Variants in AGAP1 observed in about 807,000 individuals in gnomAD.
AGAP1 encodes arf-GAP with GTPase, ANK repeat and PH domain-containing protein 1.
AGAP1 carries 29 observed loss-of-function variants against 105.3 expected under a neutral mutation model. That is an observed-to-expected ratio of 0.28 (90% CI 0.21 to 0.38). The LOEUF (loss-of-function observed/expected upper bound fraction) is 0.38. AGAP1 is among the 10% of genes least tolerant of loss of function. The probability of loss-of-function intolerance (pLI) is 1.00; values close to 1 mark genes in which losing one functional copy is unlikely to be tolerated. For missense variants in AGAP1, 998 were observed against 1,165.1 expected (o/e 0.86, Z 2.09); for synonymous variants, 509 against 485.9 (o/e 1.05, Z -0.63).
At chr2:235,779,340 AC>A (rs1358968020) in intron 6 of AGAP1, among the ~76,000 whole-genome samples, 2 of 152,180 alleles carry the variant, frequency 1.3e-5, no homozygotes, top group Admixed American at 6.5e-5. Flanking sequence ...GTTGGGTTTG[AC>A]TTTTTTTGAG....
rs946637783 is a variant in AGAP1, at chr2:235,866,709, G to T, written c.1051-16636G>T. Reference sequence around the variant, plus strand: ...TTATTGTCTCCCAATTCTGGAGGCTGGAAGTCTTGGATCAAGGCCTCAGTG... The same window carrying T: ...TTATTGTCTCCCAATTCTGGAGGCTTGAAGTCTTGGATCAAGGCCTCAGTG... On this transcript the variant is annotated intron_variant, in intron 9 of 17. Transcript: ENST00000304032. The surrounding 1 kb of genome is among the most constrained non-coding windows in gnomAD (Gnocchi z 6.1). 7.2e-5 allele frequency among the ~76,000 whole-genome samples: 11 copies of T among 152,318 alleles called. No homozygotes were observed. In the East Asian group the frequency reaches 2.1e-3, roughly 29 times the overall value.
intron 1 of AGAP1, among the ~76,000 whole-genome samples, chr2:235,646,229 C>T (rs561111975): frequency 7.3e-6 from 1 of 137,646 alleles, no homozygotes; most frequent in South Asian, 2.3e-4. Flanking sequence ...GAGATTGCGC[C>T]ATTGCACTCC....
At chr2:235,687,224 C>G (rs1415154404) in intron 1 of AGAP1, among the ~76,000 whole-genome samples, 2 of 152,210 alleles carry the variant, frequency 1.3e-5, no homozygotes, top group Non-Finnish European at 2.9e-5. Context: ...GATTCCCATT[C>G]TTCAGGCAGT....
Position 235,567,732 on chromosome 2 carries a change from G to A in AGAP1, c.163+72883G>A, listed in dbSNP as rs185429843. Among the ~76,000 whole-genome samples, 766 of 149,224 alleles carry A rather than the reference G, an allele frequency of 5.1e-3. 5 individuals carry two copies. Among genetic ancestry groups the A allele is most frequent in the African/African-American group, 0.018 (726 of 40,304 alleles). On this transcript the variant is annotated intron_variant, in intron 1 of 17. Coordinates refer to ENST00000304032, the MANE Select transcript of AGAP1 (RefSeq NM_001037131.3). The stretch of plus-strand genomic sequence containing the variant: ...TCTGATGGTGGTGGCCAGGAGGAAC[G>A]TGGCACTGGGGGGTGGGCAGGGTGG...
intron 9 of AGAP1, among the ~76,000 whole-genome samples, chr2:235,821,293 G>A (rs34077208): frequency 0.29 from 43,837 of 151,946 alleles, 6,612 homozygotes; most frequent in Admixed American, 0.42. Flanking sequence ...AATAATTGGA[G>A]CATGAAAATA....
rs1282352880 is a variant in AGAP1, at chr2:235,789,177, G to T, written c.674-8582G>T. On this transcript the variant is annotated intron_variant, in intron 6 of 17. Coordinates refer to ENST00000304032, the MANE Select transcript of AGAP1 (RefSeq NM_001037131.3). This position sits in a 1 kb window ranked among gnomAD's most constrained non-coding sequence, Gnocchi z 4.2. ...TAAAAATGTCAAATACACCATATTT[G>T]TTTCAGCACAGGGTTTTTGTTTTTG... 2.0e-5 allele frequency among the ~76,000 whole-genome samples: 3 copies of T among 152,174 alleles called. No individual in the cohort carries two copies. The highest frequency in any genetic ancestry group is 4.4e-5 in the Non-Finnish European group (3 of 68,028).
At chr2:236,074,053 G>C (rs1172235297) in intron 16 of AGAP1, among the ~76,000 whole-genome samples, 1 of 152,246 alleles carries the variant, frequency 6.6e-6, no homozygotes, top group Non-Finnish European at 1.5e-5. Context: ...GTCCCAGCGT[G>C]GTGGGGGGCT....
chr2:235,787,758 G>C lies in AGAP1; in HGVS notation c.674-10001G>C, dbSNP rs1463499652. The stretch of plus-strand genomic sequence containing the variant: ...CATATTAAAGAATGGGCAGCAACTT[G>C]CTTGGTTTCTGTGAGGACTTGCTTA... On this transcript the variant is annotated intron_variant, in intron 6 of 17. Transcript: ENST00000304032. The surrounding 1 kb of genome is among the most constrained non-coding windows in gnomAD (Gnocchi z 4.4). 6.6e-6 allele frequency among the ~76,000 whole-genome samples: 1 copy of C among 152,218 alleles called. No homozygotes were observed. Among genetic ancestry groups the C allele is most frequent in the Non-Finnish European group, 1.5e-5 (1 of 68,038 alleles).
At chr2:236,024,288 T>C (rs946718406) in intron 13 of AGAP1, among the ~76,000 whole-genome samples, 7 of 152,098 alleles carry the variant, frequency 4.6e-5, no homozygotes, top group Non-Finnish European at 1.0e-4. Context: ...CCACCCACCT[T>C]GGCCTCCCAA....
intron 1 of AGAP1, among the ~76,000 whole-genome samples, chr2:235,516,070 G>GCTGCTGCTGCTGCTGCTCCTGCTC (rs58154921): frequency 7.1e-6 from 1 of 141,734 alleles, no homozygotes; most frequent in Non-Finnish European, 1.6e-5. Context: ...TGCTGCTGCT[G>GCTGCTGCTGCTGCTGCTCCTGCTC]CTGCTGCTGC....
At chr2:235,576,841 G>C (rs1021438574) in intron 1 of AGAP1, among the ~76,000 whole-genome samples, 4 of 152,222 alleles carry the variant, frequency 2.6e-5, no homozygotes, top group African/African-American at 9.6e-5. Context: ...GTGAAGGGCA[G>C]AAAGGTGGGG....
chr2:235,631,832 G>T lies in AGAP1; in HGVS notation c.164-77347G>T, dbSNP rs1160760549. Among the ~76,000 whole-genome samples the T allele has an allele frequency of 1.3e-5, 2 of 152,226 alleles. No homozygotes were observed. Among genetic ancestry groups the T allele is most frequent in the Non-Finnish European group, 2.9e-5 (2 of 68,046 alleles). On this transcript the variant is annotated intron_variant, in intron 1 of 17. Transcript: ENST00000304032. This position sits in a 1 kb window ranked among gnomAD's most constrained non-coding sequence, Gnocchi z 5.4. ...GCTGGGTGGCCCTTCCTGCTGTCAG[G>T]TGTGGCCACTCTCGTGAGATGCAAC... is the stretch of plus-strand genomic sequence containing the variant.
chr2:235,542,219 G>GA (rs371380459), intron 1 of AGAP1, among the ~76,000 whole-genome samples: 2 of 151,446 alleles, frequency 1.3e-5, no homozygotes, highest in African/African-American at 4.9e-5. Flanking sequence ...GTGGGTCCCG[G>GA]GGGGGGGCCA....
intron 8 of AGAP1, among the ~76,000 whole-genome samples, chr2:235,806,672 T>A (rs1426045121): frequency 6.6e-6 from 1 of 152,230 alleles, no homozygotes; most frequent in Non-Finnish European, 1.5e-5. Flanking sequence ...CCTTCATTAT[T>A]TTTTGTGGTA....
Position 235,707,511 on chromosome 2 carries a change from GC to G in AGAP1, c.164-1662del, listed in dbSNP as rs374797572. Among the ~76,000 whole-genome samples, 178 of 96,546 alleles carry G rather than the reference GC, an allele frequency of 1.8e-3. 5 individuals are homozygous for G. The East Asian group carries it at 0.047, about 25-fold the overall frequency. 63.3% of individuals were successfully genotyped at this position (96,546 alleles called of 152,430 possible). ...CGCCCAGAACACACTGGGCAGATGT[GC>G]CCCCCACTCTGTGACCTGGTGGGTT... On this transcript the variant is annotated intron_variant, in intron 1 of 17. Coordinates refer to ENST00000304032, the MANE Select transcript of AGAP1 (RefSeq NM_001037131.3).
chr2:235,797,711 T>C, intron 6 of AGAP1, 48 bp from the exon 7 acceptor site: 1 of 1,612,668 alleles, frequency 6.2e-7, no homozygotes, highest in Non-Finnish European at 8.5e-7. Flanking sequence ...TGTTCCTGAA[T>C]TTGGAAATTG....
intron 1 of AGAP1, among the ~76,000 whole-genome samples, chr2:235,628,634 T>C (rs1048203806): frequency 6.6e-5 from 10 of 152,116 alleles, no homozygotes; most frequent in Middle Eastern, 3.4e-3. Context: ...CTTTTTTTTT[T>C]CCATAGGTTA....
rs1559351132 is a variant in AGAP1 at position 235,686,655 on chromosome 2, ATATATATATATTT to A, written c.164-22522_164-22510del. On this transcript the variant is annotated intron_variant, in intron 1 of 17. Transcript: ENST00000304032. ...TATATATATATATATAGATATATAT[ATATATATATATTT>A]TTTTTTTTTTTTAGACAGAGTCTTG... 1.5e-3 allele frequency among the ~76,000 whole-genome samples: 81 copies of A among 55,804 alleles called. 2 individuals carry two copies. The highest frequency in any genetic ancestry group is 0.01 in the African/African-American group (73 of 7,260). The allele number at this position is 55,804 out of a possible 152,430, so 36.6% of individuals were successfully genotyped here.
At chr2:235,641,093 TA>T (rs1193212899) in intron 1 of AGAP1, among the ~76,000 whole-genome samples, 1 of 152,220 alleles carries the variant, frequency 6.6e-6, no homozygotes, top group Non-Finnish European at 1.5e-5. Context: ...AGGTTGTGAT[TA>T]GAGAGTATTT....
Sources: gnomAD v4.1 joint callset for allele counts (sites outside exome capture counted in the v4.1 genomes callset) on GRCh38, gnomAD v4.1.1 for gene constraint, Gnocchi (gnomAD v3.1) non-coding constraint, MANE v1.5 for transcripts, NCBI Gene and HGNC (gene_info 2026-07-23, HGNC 2026-07-21) for gene names.